The following ATL2 variants were observed in gnomAD, a reference collection of about 807,000 sequenced individuals.
ATL2 encodes the protein atlastin GTPase 2.
ATL2 carries 31 observed loss-of-function variants against 73.9 expected under a neutral mutation model. That is an observed-to-expected ratio of 0.42 (90% CI 0.32 to 0.57). ATL2 has a LOEUF of 0.57. Among genes scored for constraint, ATL2 ranks in the 20% least tolerant of loss-of-function variants. The probability of loss-of-function intolerance (pLI) is 0.14; values close to 1 mark genes in which losing one functional copy is unlikely to be tolerated. For missense variants in ATL2, 738 were observed against 702.6 expected, an observed-to-expected ratio of 1.05 and a Z score of -0.57; for synonymous variants, 291 against 237.5, an observed-to-expected ratio of 1.23 and a Z score of -2.07.
At chr2:38,344,830 T>C (rs1669930170) in intron 1 of ATL2, among the ~76,000 whole-genome samples, 1 of 152,150 alleles carries the variant, frequency 6.6e-6, no homozygotes, top group African/African-American at 2.4e-5. Context: ...CAGAATTTCA[T>C]CTCCCACTGG....
intron 2 of ATL2, among the ~76,000 whole-genome samples, chr2:38,337,486 CAAAAAAAAAAAAAAAAA>C (rs755029194): frequency 4.6e-4 from 10 of 21,662 alleles, no homozygotes; most frequent in Admixed American, 1.8e-3. Context: ...ACTCTGTCTC[CAAAAAAAAAAAAAAAAA>C]AAAAAAAAAA....
intron 1 of ATL2, among the ~76,000 whole-genome samples, chr2:38,352,315 C>G (rs1670405768): frequency 6.6e-6 from 1 of 152,024 alleles, no homozygotes; most frequent in Non-Finnish European, 1.5e-5. Context: ...TGGCCCTCGA[C>G]CGTGGCTATA....
intron 2 of ATL2, among the ~76,000 whole-genome samples, chr2:38,322,591 C>T (rs1668386205): frequency 1.3e-5 from 2 of 152,034 alleles, no homozygotes; most frequent in Admixed American, 6.5e-5. Context: ...TATATGTTTG[C>T]CAGCCCCCTC....
chr2:38,313,601 T>C (rs1246194538), intron 6 of ATL2, among the ~76,000 whole-genome samples: 2 of 152,222 alleles, frequency 1.3e-5, no homozygotes, highest in South Asian at 2.1e-4. Context: ...GATGGCTATC[T>C]AGACTGATTA....
chr2:38,366,885 C>A (rs139650356), intron 1 of ATL2, among the ~76,000 whole-genome samples: 4 of 152,126 alleles, frequency 2.6e-5, no homozygotes, highest in Admixed American at 6.6e-5. Context: ...TGTCCCATTC[C>A]GGCCTCTAGT....
At chr2:38,319,965 A>T (rs1257564667) in intron 2 of ATL2, among the ~76,000 whole-genome samples, 1 of 152,074 alleles carries the variant, frequency 6.6e-6, no homozygotes, top group Non-Finnish European at 1.5e-5. Flanking sequence ...AAAATTAGCC[A>T]GGTGTTGTGG....
chr2:38,348,138 G>A (rs1216322233), intron 1 of ATL2, among the ~76,000 whole-genome samples: 4 of 152,026 alleles, frequency 2.6e-5, no homozygotes, highest in African/African-American at 9.7e-5. Flanking sequence ...CAACTCAAGA[G>A]TATTAAGTAT....
chr2:38,315,687 T>C (rs1667993366), intron 4 of ATL2, among the ~76,000 whole-genome samples: 1 of 152,060 alleles, frequency 6.6e-6, no homozygotes, highest in Admixed American at 6.6e-5. Flanking sequence ...AGAGTGTAGG[T>C]TATTTCCACC....
intron 1 of ATL2, among the ~76,000 whole-genome samples, chr2:38,364,761 T>C (rs1408143269): frequency 6.6e-6 from 1 of 152,212 alleles, no homozygotes; most frequent in Non-Finnish European, 1.5e-5. Context: ...AATAACTTTG[T>C]TGGCTAGGCA....
rs1668976404 is a variant in ATL2 at position 38,331,300 on chromosome 2, G to GC, written c.363+11967_363+11968insG. On this transcript the variant is annotated intron_variant, in intron 2 of 12. Coordinates refer to ENST00000378954, the MANE Select transcript of ATL2 (RefSeq NM_001135673.4). ...AAAATACAAAAAGTAGCTGGGCATG[G>GC]TGGCGCACACCTGTAGTCCCAGTTA... Among the ~76,000 whole-genome samples the GC allele has an allele frequency of 2.0e-5, 3 of 152,128 alleles. No individual in the cohort carries two copies. In the East Asian group the frequency reaches 5.8e-4, roughly 29 times the overall value.
intron 2 of ATL2, among the ~76,000 whole-genome samples, chr2:38,333,871 C>T (rs1323113470): frequency 6.6e-6 from 1 of 152,106 alleles, no homozygotes; most frequent in Non-Finnish European, 1.5e-5. Context: ...GCTTTGGTAA[C>T]ATTTGATGAA....
intron 2 of ATL2, among the ~76,000 whole-genome samples, chr2:38,325,698 G>GCA (rs1558412109): frequency 2.2e-3 from 9 of 4,108 alleles, no homozygotes; most frequent in Non-Finnish European, 3.2e-3. Flanking sequence ...ACACACACCA[G>GCA]TACACACACA....
At chr2:38,301,994 T>C (rs567043415) in intron 9 of ATL2, among the ~76,000 whole-genome samples, 9 of 152,278 alleles carry the variant, frequency 5.9e-5, no homozygotes, top group African/African-American at 2.2e-4. Flanking sequence ...GGATACCAGC[T>C]CAGCCAAAGT....
At chr2:38,368,996 T>A (rs187627056) in intron 1 of ATL2, among the ~76,000 whole-genome samples, 28 of 152,308 alleles carry the variant, frequency 1.8e-4, no homozygotes, top group Admixed American at 8.5e-4. Context: ...AATCAAAAAA[T>A]TGCAAATTAA....
At chr2:38,316,796 A>C (rs1440427270) in intron 4 of ATL2, among the ~76,000 whole-genome samples, 1 of 152,192 alleles carries the variant, frequency 6.6e-6, no homozygotes, top group African/African-American at 2.4e-5. Flanking sequence ...CAAAAAGTTG[A>C]ATAAATAAAC....
At chr2:38,371,210 AAAG>A (rs1339116990) in intron 1 of ATL2, among the ~76,000 whole-genome samples, 5 of 151,400 alleles carry the variant, frequency 3.3e-5, no homozygotes, top group Non-Finnish European at 5.9e-5. Context: ...AAAAAAAAAA[AAAG>A]AAAGAAAGAA....
At chr2:38,300,419 T>A in intron 9 of ATL2, 91 bp from the exon 10 acceptor site, 2 of 828,088 alleles carry the variant, frequency 2.4e-6, no homozygotes, top group Admixed American at 4.2e-5. Context: ...ATAAAAATAA[T>A]TAACACCATT....
chr2:38,371,853 C>T (rs1025812551), intron 1 of ATL2, among the ~76,000 whole-genome samples: 8 of 152,084 alleles, frequency 5.3e-5, no homozygotes, highest in African/African-American at 1.9e-4. Context: ...GCCAAGATCA[C>T]GCCACTGTAC....
upstream of ATL2, among the ~76,000 whole-genome samples, chr2:38,378,066 A>G (rs1198877673): frequency 1.3e-5 from 2 of 152,248 alleles, no homozygotes; most frequent in Non-Finnish European, 2.9e-5. Flanking sequence ...GACATCCAGT[A>G]GAAAGTTCAG....
Sources: allele counts gnomAD v4.1 joint callset (sites outside exome capture counted in the v4.1 genomes callset), GRCh38; gene constraint gnomAD v4.1.1; transcripts MANE v1.5; gene names NCBI Gene and HGNC (gene_info 2026-07-23, HGNC 2026-07-21).